CFAP299: variants seen among roughly 807,000 people sequenced by gnomAD.
CFAP299 encodes cilia- and flagella-associated protein 299.
A neutral mutation model predicts 27.0 loss-of-function variants in CFAP299; 21 were observed. That is an observed-to-expected ratio of 0.78 (90% CI 0.55 to 1.12). CFAP299 has a LOEUF of 1.12. CFAP299 is among the 50% of genes most tolerant of loss of function. The pLI is 0.00. For missense variants in CFAP299, 310 were observed against 276.6 expected (o/e 1.12, Z -0.86); for synonymous variants, 104 against 98.1 (o/e 1.06, Z -0.36).
intron 2 of CFAP299, among the ~76,000 whole-genome samples, chr4:80,484,873 G>A (rs1445605716): frequency 1.3e-5 from 2 of 152,060 alleles, no homozygotes; most frequent in Non-Finnish European, 2.9e-5. Context: ...ATGTGTTTCA[G>A]GGTAGAAATG....
intron 3 of CFAP299, among the ~76,000 whole-genome samples, chr4:80,766,943 G>A (rs1051618565): frequency 6.6e-6 from 1 of 152,100 alleles, no homozygotes; most frequent in Non-Finnish European, 1.5e-5. Context: ...CAGTTCTAAG[G>A]AGATATGAAT....
At chr4:80,604,109 A>C (rs1398320402) in intron 3 of CFAP299, among the ~76,000 whole-genome samples, 1 of 152,148 alleles carries the variant, frequency 6.6e-6, no homozygotes, top group East Asian at 1.9e-4. Flanking sequence ...TCATTCATTC[A>C]GGAGCTTGGC....
chr4:80,773,797 A>T (rs962924334), intron 3 of CFAP299, among the ~76,000 whole-genome samples: 2 of 151,948 alleles, frequency 1.3e-5, no homozygotes, highest in African/African-American at 4.8e-5. Context: ...TCTTTTAGAA[A>T]TTGTAATTTC....
chr4:80,522,327 T>C (rs77063789), intron 2 of CFAP299, among the ~76,000 whole-genome samples: 8,485 of 152,094 alleles, frequency 0.056, 493 homozygotes, highest in African/African-American at 0.14. Context: ...TCTTTACCCC[T>C]TTGCGCATTT....
In CFAP299 at chr4:80,552,157, G is replaced by A. The variant is rs1358449124; in HGVS notation, c.243-30936G>A. Among the ~76,000 whole-genome samples the A allele has an allele frequency of 7.9e-5, 12 of 152,270 alleles. No homozygotes were observed. The East Asian group carries it at 1.9e-3, about 24-fold the overall frequency. On this transcript the variant is annotated intron_variant, in intron 2 of 5. Transcript: ENST00000358105. ...ATGGTCAAAGAATAGAAGGTAGTTT[G>A]TTTTCTTTATTGGGACAATATAACT...
chr4:80,448,033 A>G, intron 2 of CFAP299, among the ~76,000 whole-genome samples: 1 of 152,190 alleles, frequency 6.6e-6, no homozygotes, highest in East Asian at 1.9e-4. Context: ...TGTTTTAGGC[A>G]CCAGCAGTCA....
intron 3 of CFAP299, among the ~76,000 whole-genome samples, chr4:80,592,966 A>ATTTCTTTACAAAAAAT (rs1736859219): frequency 6.6e-6 from 1 of 152,214 alleles, no homozygotes; most frequent in Admixed American, 6.5e-5. Context: ...AAATAATTCA[A>ATTTCTTTACAAAAAAT]TGCTCTTTAC....
intron 2 of CFAP299, among the ~76,000 whole-genome samples, chr4:80,405,501 T>G (rs750946635): frequency 6.6e-6 from 1 of 152,194 alleles, no homozygotes; most frequent in Non-Finnish European, 1.5e-5. Flanking sequence ...TATAATTGAC[T>G]TCATCTCAGA....
At chr4:80,819,110 A>G (rs1729567773) in intron 3 of CFAP299, among the ~76,000 whole-genome samples, 2 of 152,066 alleles carry the variant, frequency 1.3e-5, no homozygotes. Context: ...AATGTGAAGC[A>G]AGAGAACGCT....
rs374802433 is a variant in CFAP299, at chr4:80,387,669, A to G, written c.242+24785A>G. The G allele has an allele frequency of 1.5e-5, 24 of 1,564,248 alleles. No individual in the cohort carries two copies. In the East Asian group the frequency reaches 5.4e-4, roughly 35 times the overall value. On this transcript the variant is annotated intron_variant, in intron 2 of 5. Coordinates refer to ENST00000358105, the MANE Select transcript of CFAP299 (RefSeq NM_152770.3). ...TGTGGGTCTGCATGTGTTTCTTAAC[A>G]TTAGACTTCTGGGCAAAGGCATGGC... is the stretch of plus-strand genomic sequence containing the variant.
intron 1 of CFAP299, among the ~76,000 whole-genome samples, chr4:80,353,699 G>A (rs564808447): frequency 6.6e-6 from 1 of 151,956 alleles, no homozygotes; most frequent in Non-Finnish European, 1.5e-5. Flanking sequence ...CCCTGGGCAG[G>A]TTGAGAGGGC....
intron 4 of CFAP299, among the ~76,000 whole-genome samples, chr4:80,900,875 T>C (rs1734855293): frequency 1.3e-5 from 2 of 151,998 alleles, no homozygotes; most frequent in Non-Finnish European, 2.9e-5. Flanking sequence ...TTAATAATAA[T>C]ATATACCTTA....
chr4:80,522,089 T>C (rs1201323137), intron 2 of CFAP299, among the ~76,000 whole-genome samples: 2 of 152,066 alleles, frequency 1.3e-5, no homozygotes, highest in African/African-American at 4.8e-5. Context: ...CCATCAAAAG[T>C]GCATAAGGGT....
intron 3 of CFAP299, among the ~76,000 whole-genome samples, chr4:80,603,361 G>T (rs775721143): frequency 2.0e-5 from 3 of 151,980 alleles, no homozygotes; most frequent in Non-Finnish European, 4.4e-5. Flanking sequence ...ACAATAATTA[G>T]GTACAATTTT....
intron 3 of CFAP299, among the ~76,000 whole-genome samples, chr4:80,676,903 A>T (rs534266536): frequency 6.6e-6 from 1 of 151,896 alleles, no homozygotes; most frequent in East Asian, 1.9e-4. Context: ...CCAACTTTTC[A>T]TTTTGTTGAT....
intron 4 of CFAP299, among the ~76,000 whole-genome samples, chr4:80,931,191 A>AGTGAGTGAG (rs1736599322): frequency 6.9e-6 from 1 of 145,714 alleles, no homozygotes; most frequent in African/African-American, 2.6e-5. Context: ...GAGTGAGTGA[A>AGTGAGTGAG]TTAGCATGGC....
At chr4:80,886,932 A>G (rs1279531957) in intron 4 of CFAP299, among the ~76,000 whole-genome samples, 3 of 152,098 alleles carry the variant, frequency 2.0e-5, no homozygotes, top group African/African-American at 7.2e-5. Flanking sequence ...AATGCAACTG[A>G]CATACTGAAG....
At chr4:80,891,508 C>T (rs1046632854) in intron 4 of CFAP299, among the ~76,000 whole-genome samples, 23 of 143,568 alleles carry the variant, frequency 1.6e-4, no homozygotes, top group Non-Finnish European at 2.6e-4. Flanking sequence ...AGTAAACTAT[C>T]GCAAGAACAA....
intron 3 of CFAP299, among the ~76,000 whole-genome samples, chr4:80,718,722 AC>A (rs2110043424): frequency 6.6e-6 from 1 of 152,234 alleles, no homozygotes; most frequent in East Asian, 1.9e-4. Context: ...AAGTCCTTTC[AC>A]CTGTAAATTA....
Sources: allele counts gnomAD v4.1 joint callset (sites outside exome capture counted in the v4.1 genomes callset), GRCh38; gene constraint gnomAD v4.1.1; transcripts MANE v1.5; gene names NCBI Gene and HGNC (gene_info 2026-07-23, HGNC 2026-07-21).